Variants in CFAP54 observed in about 807,000 individuals in gnomAD.
CFAP54 encodes cilia- and flagella-associated protein 54.
In CFAP54, 290 loss-of-function variants were observed where a neutral mutation model predicts 370.4. The ratio of observed to expected loss-of-function variants is 0.78; its 90% CI spans 0.71 to 0.86. CFAP54 has a LOEUF of 0.86. Among genes scored for constraint, CFAP54 ranks in the 40% least tolerant of loss-of-function variants. The pLI is 0.00. For missense variants in CFAP54, 3,399 were observed against 3,528.7 expected, an observed-to-expected ratio of 0.96 and a Z score of 0.93; for synonymous variants, 1,206 against 1,236.5, an observed-to-expected ratio of 0.98 and a Z score of 0.52.
chr12:96,690,963 C>A (rs113706909), intron 43 of CFAP54, among the ~76,000 whole-genome samples, 165 bp from the exon 44 acceptor site: 34 of 152,132 alleles, frequency 2.2e-4, no homozygotes, highest in African/African-American at 8.2e-4. Flanking sequence ...GCATTTGGAA[C>A]CTGTAATGAT....
chr12:96,772,067 G>A (rs1442022506), intron 60 of CFAP54, among the ~76,000 whole-genome samples: 2 of 152,180 alleles, frequency 1.3e-5, no homozygotes, highest in African/African-American at 2.4e-5. Context: ...TATGTATGGA[G>A]TGTTTTTTTC....
chr12:96,521,529 TGTGTGTGTGTGTGTGTGTGCGC>T (rs1955316026), intron 6 of CFAP54, among the ~76,000 whole-genome samples: 2 of 123,026 alleles, frequency 1.6e-5, no homozygotes, highest in African/African-American at 6.9e-5. Flanking sequence ...TGTGTGTGTG[TGTGTGTGTGTGTGTGTGTGCGC>T]GTGCGCACAT....
At chr12:96,789,338 T>C (rs988945003) in intron 62 of CFAP54, among the ~76,000 whole-genome samples, 2 of 152,228 alleles carry the variant, frequency 1.3e-5, no homozygotes, top group Non-Finnish European at 2.9e-5. Flanking sequence ...TGTTAATGTC[T>C]GGCCCTGCAC....
chr12:96,683,243 G>T (rs1957290866), intron 40 of CFAP54, among the ~76,000 whole-genome samples: 1 of 152,208 alleles, frequency 6.6e-6, no homozygotes, highest in African/African-American at 2.4e-5. Context: ...AAGCTGTAAA[G>T]AAATAATCAG....
At chr12:96,529,009 A>G (rs901620638) in intron 9 of CFAP54, among the ~76,000 whole-genome samples, 13 of 152,132 alleles carry the variant, frequency 8.5e-5, no homozygotes, top group Non-Finnish European at 1.6e-4. Context: ...TCTAATACGC[A>G]GTGTGATTTA....
intron 50 of CFAP54, among the ~76,000 whole-genome samples, chr12:96,728,653 A>G (rs368281192): frequency 5.1e-4 from 77 of 152,184 alleles, no homozygotes; most frequent in African/African-American, 1.8e-3. Flanking sequence ...TAGTTTGATC[A>G]TCTGAAGCCT....
intron 63 of CFAP54, among the ~76,000 whole-genome samples, chr12:96,799,434 G>A (rs1958799932): frequency 6.6e-6 from 1 of 152,138 alleles, no homozygotes; most frequent in Admixed American, 6.6e-5. Flanking sequence ...GTCCCCTCTA[G>A]CTGCGCCTCT....
intron 11 of CFAP54, among the ~76,000 whole-genome samples, chr12:96,535,199 G>A (rs1202804767): frequency 6.6e-6 from 1 of 151,892 alleles, no homozygotes; most frequent in Non-Finnish European, 1.5e-5. Flanking sequence ...ACAGTGACTT[G>A]CCACCATGCC....
intron 66 of CFAP54, among the ~76,000 whole-genome samples, chr12:96,835,566 C>A (rs1013755927): frequency 6.6e-6 from 1 of 152,116 alleles, no homozygotes; most frequent in African/African-American, 2.4e-5. Context: ...GGCTTGGCCC[C>A]GACTTTGCTC....
chr12:96,604,459 G>A (rs1431239561), intron 26 of CFAP54, among the ~76,000 whole-genome samples: 13 of 152,202 alleles, frequency 8.5e-5, no homozygotes, highest in Non-Finnish European at 1.6e-4. Flanking sequence ...GAGCTCAATC[G>A]CCATGCTGGG....
intron 63 of CFAP54, among the ~76,000 whole-genome samples, chr12:96,810,473 G>A (rs1037658629): frequency 6.6e-6 from 1 of 151,800 alleles, no homozygotes; most frequent in East Asian, 1.9e-4. Flanking sequence ...TAAAGATTTG[G>A]GTCTAATAAA....
At chr12:96,790,501 C>A (rs992851003) in intron 62 of CFAP54, among the ~76,000 whole-genome samples, 2 of 152,074 alleles carry the variant, frequency 1.3e-5, no homozygotes, top group African/African-American at 2.4e-5. Context: ...TATTAGACTA[C>A]TGTGCTAATA....
At chr12:96,658,150 A>G in intron 37 of CFAP54, 45 bp downstream of exon 37, 1 of 725,462 alleles carries the variant, frequency 1.4e-6, no homozygotes, top group South Asian at 2.6e-5. Context: ...GACTTCATTG[A>G]AAAAAAAAAA....
intron 64 of CFAP54, among the ~76,000 whole-genome samples, chr12:96,812,354 A>G (rs908317270): frequency 1.3e-5 from 2 of 152,024 alleles, no homozygotes; most frequent in Non-Finnish European, 2.9e-5. Context: ...TGCTTCATCT[A>G]GGTTGTTTTC....
rs1485704946 is a variant in CFAP54, at chr12:96,551,483, GTA to G, written c.2155-2697_2155-2696del. On this transcript the variant is annotated intron_variant, in intron 15 of 67. Transcript: ENST00000524981. ...TCCTGAGCCTGCGATTCTTGAATGG[GTA>G]TGTGTGTGTGTGTGTGTGTGTGTGT... Among the ~76,000 whole-genome samples the G allele has an allele frequency of 1.9e-3, 202 of 105,146 alleles. 1 individual carries two copies. Among genetic ancestry groups the G allele is most frequent in the African/African-American group, 6.9e-3 (187 of 26,908 alleles). 69.0% of individuals were successfully genotyped at this position (105,146 alleles called of 152,430 possible).
chr12:96,700,687 A>T (rs1345605760), intron 46 of CFAP54, among the ~76,000 whole-genome samples: 1 of 152,198 alleles, frequency 6.6e-6, no homozygotes, highest in African/African-American at 2.4e-5. Context: ...TTTAAAGCAT[A>T]AATTAAATCA....
At chr12:96,795,362 TGTCTTTGGCTACCAGA>T (rs995793113) in intron 63 of CFAP54, among the ~76,000 whole-genome samples, 42 of 152,296 alleles carry the variant, frequency 2.8e-4, no homozygotes, top group African/African-American at 1.0e-3. Context: ...TTATGTCCTT[TGTCTTTGGCTACCAGA>T]GTGGTATAGA....
intron 67 of CFAP54, among the ~76,000 whole-genome samples, chr12:96,867,431 T>A (rs1017160403): frequency 5.3e-5 from 8 of 152,172 alleles, no homozygotes; most frequent in Non-Finnish European, 1.2e-4. Flanking sequence ...GAAATCAACA[T>A]GTCTAAGAGA....
At chr12:96,722,176 C>T (rs1454272551) in intron 50 of CFAP54, among the ~76,000 whole-genome samples, 1 of 152,210 alleles carries the variant, frequency 6.6e-6, no homozygotes, top group African/African-American at 2.4e-5. Context: ...CTTTTCCTTA[C>T]TTTCTCCATA....
Sources: gnomAD v4.1 joint callset for allele counts (sites outside exome capture counted in the v4.1 genomes callset) on GRCh38, gnomAD v4.1.1 for gene constraint, MANE v1.5 for transcripts, NCBI Gene and HGNC (gene_info 2026-07-23, HGNC 2026-07-21) for gene names.